FRYL: variants seen among roughly 807,000 people sequenced by gnomAD.
FRYL encodes the protein FRY like transcription coactivator.
FRYL carries 150 observed loss-of-function variants against 351.2 expected under a neutral mutation model. The ratio of observed to expected loss-of-function variants is 0.43; its 90% CI spans 0.37 to 0.49. The LOEUF is 0.49. FRYL is among the 20% of genes least tolerant of loss of function. The pLI is 0.00. For synonymous variants in FRYL, 1,153 were observed against 1,257.1 expected, an observed-to-expected ratio of 0.92 and a Z score of 1.75; for missense variants, 3,036 against 3,619.3, an observed-to-expected ratio of 0.84 and a Z score of 4.13.
At chr4:48,586,803 C>T in intron 18 of FRYL, 75 bp from the exon 19 acceptor site, 2 of 987,744 alleles carry the variant, frequency 2.0e-6, no homozygotes, top group African/African-American at 3.4e-5. Flanking sequence ...GGAAAAATAA[C>T]TACAGAAAGT....
chr4:48,569,297 ATTTC>A (rs1250110816), intron 27 of FRYL, among the ~76,000 whole-genome samples: 2 of 152,076 alleles, frequency 1.3e-5, no homozygotes, highest in Non-Finnish European at 2.9e-5. Context: ...AGAGAATAGT[ATTTC>A]TTTCTTTCTT....
At chr4:48,596,926 A>T (rs1458898143) in intron 13 of FRYL, among the ~76,000 whole-genome samples, 1 of 151,470 alleles carries the variant, frequency 6.6e-6, no homozygotes, top group Non-Finnish European at 1.5e-5. Context: ...ATTGTTGTGA[A>T]TTTACATTTT....
chr4:48,634,225 C>G, intron 4 of FRYL, 66 bp downstream of exon 4: 1 of 1,139,686 alleles, frequency 8.8e-7, no homozygotes, highest in Non-Finnish European at 1.3e-6. Context: ...TTTGAAAAAT[C>G]TGCATTATAG....
chr4:48,644,632 A>G (rs556922003), intron 3 of FRYL, among the ~76,000 whole-genome samples: 22 of 152,040 alleles, frequency 1.4e-4, no homozygotes, highest in African/African-American at 4.8e-4. Flanking sequence ...TAAATATACT[A>G]TACTCAAAAA....
chr4:48,510,068 G>A lies in FRYL; in HGVS notation c.8385C>T (p.Ala2795=), dbSNP rs1228040648. ...HLDTYNVKRE[A]AEQWLDDCKR... ...GTAAAAAGAGACTGACCTGCTCAGC[G>A]GCTTCTCTTTTCACATTGTATGTAT... The change falls in exon 59 of 64, where the codon GCC becomes GCT. Residue 2795 remains alanine (A), a synonymous_variant. Coordinates refer to ENST00000358350, the MANE Select transcript of FRYL (RefSeq NM_015030.2). 4 of 1,609,888 alleles carry A rather than the reference G, an allele frequency of 2.5e-6. No homozygotes were observed. Among genetic ancestry groups the A allele is most frequent in the Non-Finnish European group, 2.6e-6 (3 of 1,176,426 alleles).
intron 19 of FRYL, among the ~76,000 whole-genome samples, chr4:48,585,699 T>C (rs1431237739): frequency 1.3e-5 from 2 of 152,222 alleles, no homozygotes; most frequent in African/African-American, 4.8e-5. Context: ...CTTGTTTTAT[T>C]GATACACAAC....
chr4:48,667,652 A>G (rs1427027559), intron 3 of FRYL, among the ~76,000 whole-genome samples: 1 of 151,930 alleles, frequency 6.6e-6, no homozygotes, highest in Non-Finnish European at 1.5e-5. Context: ...CAAAGCTTCC[A>G]TTCTTTTTTT....
chr4:48,694,766 C>T (rs2149564815), intron 2 of FRYL, among the ~76,000 whole-genome samples: 1 of 152,128 alleles, frequency 6.6e-6, no homozygotes, highest in Non-Finnish European at 1.5e-5. Context: ...TTTGTAAATC[C>T]CTGGCCCAAA....
intron 1 of FRYL, among the ~76,000 whole-genome samples, chr4:48,753,706 G>A (rs1773481335): frequency 6.6e-6 from 1 of 151,640 alleles, no homozygotes; most frequent in African/African-American, 2.4e-5. Context: ...AGAAAGTTTT[G>A]CCTAACCCAA....
At chr4:48,665,641 T>C (rs1229480909) in intron 3 of FRYL, among the ~76,000 whole-genome samples, 6 of 152,310 alleles carry the variant, frequency 3.9e-5, no homozygotes, top group Admixed American at 3.9e-4. Flanking sequence ...GTATCTGCCA[T>C]CAAAATTGGC....
rs143766284 is a variant in FRYL, at chr4:48,688,226, G to C, written c.-203-3431C>G. Among the ~76,000 whole-genome samples the C allele has an allele frequency of 2.6e-5, 4 of 152,204 alleles. No homozygotes were observed. In the East Asian group the frequency reaches 7.7e-4, roughly 29 times the overall value. On this transcript the variant is annotated intron_variant, in intron 2 of 63. Coordinates refer to ENST00000358350, the MANE Select transcript of FRYL (RefSeq NM_015030.2). ...AAATTAATTCTGGGAATCTTGCAAG[G>C]CCTCTTAAAATGATGCAAAAACCAA...
intron 32 of FRYL, among the ~76,000 whole-genome samples, chr4:48,561,903 C>A (rs1249342083): frequency 1.3e-5 from 2 of 152,056 alleles, no homozygotes; most frequent in Non-Finnish European, 2.9e-5. Context: ...GTGGTCCCAG[C>A]TACTCAGGAG....
chr4:48,724,031 G>A (rs534100107), intron 1 of FRYL, among the ~76,000 whole-genome samples: 19 of 151,740 alleles, frequency 1.3e-4, no homozygotes, highest in African/African-American at 4.6e-4. Context: ...GGGAGGTTGA[G>A]ACAGGAGGGC....
At chr4:48,702,488 A>T (rs1766847693) in intron 2 of FRYL, among the ~76,000 whole-genome samples, 1 of 133,976 alleles carries the variant, frequency 7.5e-6, no homozygotes, top group African/African-American at 2.8e-5. Flanking sequence ...AAAAAAAAAA[A>T]AAAAATGCTG....
rs1740740766 is a variant in FRYL at position 48,580,886 on chromosome 4, T to C, written c.2238A>G (p.Ile746Met). 1.2e-6 allele frequency: 2 copies of C among 1,610,100 alleles called. No homozygotes were observed. The highest frequency in any genetic ancestry group is 1.7e-6 in the Non-Finnish European group (2 of 1,177,068). ...RLSPSILESF[I>M]HLTGADQTTL... ...TTACCTGATCAGCCCCAGTGAGATG[T>C]ATGAAGCTCTCAAGAATGGATGGGC... The change falls in exon 22 of 64, where the codon ATA becomes ATG. Residue 746 changes from isoleucine to methionine, a missense_variant. Ile to Met is a conservative substitution (Grantham distance 10). Around this residue, in one of 7 missense-constraint regions of FRYL, gnomAD observed 492 missense variants for 551.5 expected, o/e 0.89. Coordinates refer to ENST00000358350, the MANE Select transcript of FRYL (RefSeq NM_015030.2).
chr4:48,740,289 A>ATTTTTTT (rs71191255), intron 1 of FRYL, among the ~76,000 whole-genome samples: 4 of 97,884 alleles, frequency 4.1e-5, no homozygotes, highest in Non-Finnish European at 5.8e-5. Flanking sequence ...AAACAATCTG[A>ATTTTTTT]TTTTTTTTTT....
At chr4:48,521,026 A>G in intron 55 of FRYL, 22 bp downstream of exon 55, 1 of 1,589,160 alleles carries the variant, frequency 6.3e-7, no homozygotes, top group Non-Finnish European at 8.6e-7. Context: ...TTGGCCATGC[A>G]CCAGCCTCCA....
At chr4:48,622,372 G>T (rs1364908788) in intron 5 of FRYL, among the ~76,000 whole-genome samples, 1 of 152,060 alleles carries the variant, frequency 6.6e-6, no homozygotes, top group Non-Finnish European at 1.5e-5. Context: ...TAGACCAGTG[G>T]CTATTTACTA....
intron 52 of FRYL, 150 bp from the exon 53 acceptor site, chr4:48,527,803 A>ATAGT: frequency 1.0e-6 from 1 of 962,668 alleles, no homozygotes. Flanking sequence ...AGTTGAACAC[A>ATAGT]TAGTTAGCAT....
Sources: gnomAD v4.1 joint callset for allele counts (sites outside exome capture counted in the v4.1 genomes callset) on GRCh38, gnomAD v4.1.1 for gene constraint, gnomAD v4.1.1 regional missense constraint, MANE v1.5 for transcripts, NCBI Gene and HGNC (gene_info 2026-07-23, HGNC 2026-07-21) for gene names.